The following RPS6KC1 variants were observed in gnomAD, a reference collection of about 807,000 sequenced individuals.
The protein encoded by RPS6KC1 is inactive ribosomal protein S6 kinase delta-1.
In RPS6KC1, 54 loss-of-function variants were observed where a neutral mutation model predicts 103.8. The ratio of observed to expected loss-of-function variants is 0.52; its 90% confidence interval spans 0.42 to 0.65. The LOEUF (loss-of-function observed/expected upper bound fraction) is 0.65. Among genes scored for constraint, RPS6KC1 ranks in the 30% least tolerant of loss-of-function variants. The probability of loss-of-function intolerance (pLI) is 0.00; values close to 1 mark genes in which losing one functional copy is unlikely to be tolerated. For missense variants in RPS6KC1, 1,151 were observed against 1,253.8 expected, an observed-to-expected ratio of 0.92 and a Z score of 1.24; for synonymous variants, 439 against 438.7, an observed-to-expected ratio of 1.00 and a Z score of -0.01.
At chr1:213,256,695 G>A (rs903651899) in intron 12 of RPS6KC1, among the ~76,000 whole-genome samples, 8 of 152,086 alleles carry the variant, frequency 5.3e-5, no homozygotes, top group African/African-American at 1.9e-4. Context: ...ATTCAGATTG[G>A]GGCTCATCAG....
the RPS6KC1 span, among the ~76,000 whole-genome samples, chr1:213,497,631 A>C: frequency 3.3e-5 from 5 of 152,332 alleles, no homozygotes; most frequent in East Asian, 9.6e-4. Flanking sequence ...AATTAATGAA[A>C]ATAAATGAAC....
intron 8 of RPS6KC1, among the ~76,000 whole-genome samples, chr1:213,189,448 CAA>C (rs35941412): frequency 0.029 from 3,006 of 103,572 alleles, 68 homozygotes; most frequent in African/African-American, 0.076. Context: ...GCCTTTGTCT[CAA>C]AAAAAAAAAA....
chr1:213,121,615 C>G (rs143692225), intron 5 of RPS6KC1, among the ~76,000 whole-genome samples: 1 of 152,118 alleles, frequency 6.6e-6, no homozygotes, highest in Non-Finnish European at 1.5e-5. Context: ...CAGTTGAGCT[C>G]CTTGACATAT....
chr1:213,746,450 G>A, the RPS6KC1 span, among the ~76,000 whole-genome samples: 2 of 152,180 alleles, frequency 1.3e-5, no homozygotes, highest in African/African-American at 4.8e-5. Context: ...GGGTGTGTGT[G>A]GGTGGCCGAG....
the RPS6KC1 span, among the ~76,000 whole-genome samples, chr1:213,401,268 G>A: frequency 6.6e-6 from 1 of 152,182 alleles, no homozygotes; most frequent in African/African-American, 2.4e-5. Context: ...TGCAAGGAAG[G>A]CATCAGACCT....
the RPS6KC1 span, among the ~76,000 whole-genome samples, chr1:213,604,424 C>G: frequency 2.4e-3 from 361 of 152,308 alleles, 5 homozygotes; most frequent in Non-Finnish European, 2.6e-3. Context: ...TCTGATTTTC[C>G]CCTGTTATCA....
chr1:213,577,141 G>T, the RPS6KC1 span, among the ~76,000 whole-genome samples: 1 of 152,126 alleles, frequency 6.6e-6, no homozygotes, highest in Non-Finnish European at 1.5e-5. Context: ...TTTAATCATG[G>T]GAGTGGGTTT....
the RPS6KC1 span, among the ~76,000 whole-genome samples, chr1:213,381,070 C>T: frequency 6.6e-6 from 1 of 152,226 alleles, no homozygotes; most frequent in Non-Finnish European, 1.5e-5. Flanking sequence ...TAACGATTGG[C>T]GCTCGGAACA....
At chr1:213,111,055 G>C (rs964847800) in intron 4 of RPS6KC1, among the ~76,000 whole-genome samples, 7 of 151,674 alleles carry the variant, frequency 4.6e-5, no homozygotes, top group African/African-American at 1.5e-4. Context: ...TGACCACTCA[G>C]CTGGGATGGG....
chr1:213,638,220 C>T, the RPS6KC1 span, among the ~76,000 whole-genome samples: 15 of 151,978 alleles, frequency 9.9e-5, no homozygotes, highest in African/African-American at 2.4e-4. Context: ...AAATTTTTGC[C>T]GAATTTTTAG....
the RPS6KC1 span, among the ~76,000 whole-genome samples, chr1:213,570,461 T>C: frequency 2.6e-5 from 4 of 152,216 alleles, no homozygotes; most frequent in East Asian, 1.9e-4. Flanking sequence ...TTCCTCATGG[T>C]TCCTGAAGAA....
chr1:213,527,876 A>G, the RPS6KC1 span, among the ~76,000 whole-genome samples: 1 of 152,194 alleles, frequency 6.6e-6, no homozygotes, highest in Non-Finnish European at 1.5e-5. Context: ...TGTATGTTAT[A>G]TACCATGCTC....
chr1:213,565,361 G>A, the RPS6KC1 span, among the ~76,000 whole-genome samples: 1 of 152,146 alleles, frequency 6.6e-6, no homozygotes, highest in Non-Finnish European at 1.5e-5. Context: ...GTAGAAAGAG[G>A]CCAGATATCC....
the RPS6KC1 span, among the ~76,000 whole-genome samples, chr1:213,515,736 C>T: frequency 2.0e-5 from 3 of 152,070 alleles, no homozygotes; most frequent in Non-Finnish European, 4.4e-5. Context: ...TCCATATGAA[C>T]TTTAAAGTAG....
At chr1:213,773,244 T>C in the RPS6KC1 span, among the ~76,000 whole-genome samples, 340 of 152,052 alleles carry the variant, frequency 2.2e-3, 2 homozygotes, top group Middle Eastern at 0.048. Flanking sequence ...ATCTTCCCTG[T>C]TGCAGGCCCT....
intron 14 of RPS6KC1, among the ~76,000 whole-genome samples, chr1:213,270,229 A>G (rs2095015199): frequency 6.6e-6 from 1 of 152,236 alleles, no homozygotes; most frequent in Admixed American, 6.5e-5. Context: ...GAATATGCAC[A>G]TGCTAAAAAC....
chr1:213,566,150 G>T, the RPS6KC1 span, among the ~76,000 whole-genome samples: 1 of 152,092 alleles, frequency 6.6e-6, no homozygotes, highest in African/African-American at 2.4e-5. Flanking sequence ...AAATATTATT[G>T]GTAGTACCTA....
chr1:213,702,109 G>T, the RPS6KC1 span, among the ~76,000 whole-genome samples: 2 of 151,628 alleles, frequency 1.3e-5, no homozygotes, highest in South Asian at 2.1e-4. Flanking sequence ...TTGGTATGTT[G>T]TGTTTCCATT....
intron 3 of RPS6KC1, among the ~76,000 whole-genome samples, chr1:213,085,695 G>A (rs139306012): frequency 5.1e-4 from 77 of 151,832 alleles, no homozygotes; most frequent in African/African-American, 1.8e-3. Flanking sequence ...ACGTTTCTCT[G>A]TGTATCTATA....
Sources: allele counts gnomAD v4.1 joint callset (sites outside exome capture counted in the v4.1 genomes callset), GRCh38; gene constraint gnomAD v4.1.1; transcripts MANE v1.5; gene names NCBI Gene and HGNC (gene_info 2026-07-23, HGNC 2026-07-21).